Variants in TCF12 observed in about 807,000 individuals in gnomAD.
TCF12 encodes DNA-binding protein HTF4.
TCF12 carries 45 observed loss-of-function variants against 86.0 expected under a neutral mutation model. The observed-to-expected ratio is 0.52, with a 90% confidence interval of 0.41 to 0.67. The LOEUF (loss-of-function observed/expected upper bound fraction) is 0.67. TCF12 is among the 30% of genes least tolerant of loss of function. The pLI is 0.00. For synonymous variants in TCF12, 330 were observed against 299.6 expected (o/e 1.10, Z -1.05); for missense variants, 881 against 859.9 (o/e 1.02, Z -0.31).
intron 5 of TCF12, among the ~76,000 whole-genome samples, chr15:57,098,380 C>G (rs1387623275): frequency 6.6e-6 from 1 of 152,182 alleles, no homozygotes; most frequent in African/African-American, 2.4e-5. Flanking sequence ...TTCACTATTG[C>G]TCAACTCTCA....
intron 13 of TCF12, among the ~76,000 whole-genome samples, chr15:57,245,396 G>A (rs1775390914): frequency 6.6e-6 from 1 of 152,194 alleles, no homozygotes; most frequent in Non-Finnish European, 1.5e-5. Context: ...GAAATTACAG[G>A]AAGAATGATG....
chr15:57,062,289 C>G (rs368279878), intron 3 of TCF12, among the ~76,000 whole-genome samples: 4 of 151,968 alleles, frequency 2.6e-5, no homozygotes, highest in African/African-American at 9.7e-5. Flanking sequence ...ATTCCCCAAA[C>G]TCATAGAATA....
intron 5 of TCF12, among the ~76,000 whole-genome samples, chr15:57,145,312 A>T (rs1201304890): frequency 6.6e-6 from 1 of 152,188 alleles, no homozygotes; most frequent in Non-Finnish European, 1.5e-5. Context: ...GAATCTTAGC[A>T]GTGTGCTCAG....
chr15:57,009,395 A>G (rs1407952317), intron 3 of TCF12, among the ~76,000 whole-genome samples: 10 of 152,094 alleles, frequency 6.6e-5, no homozygotes, highest in African/African-American at 2.4e-4. Flanking sequence ...ACAGGTATGA[A>G]CCACTGTGTG....
intron 3 of TCF12, among the ~76,000 whole-genome samples, chr15:56,954,235 T>TA (rs2061406111): frequency 6.6e-6 from 1 of 152,206 alleles, no homozygotes; most frequent in Non-Finnish European, 1.5e-5. Context: ...ATATTTCTCT[T>TA]ACTGATTTCT....
At chr15:56,929,160 G>C (rs186216622) in intron 3 of TCF12, among the ~76,000 whole-genome samples, 2 of 152,090 alleles carry the variant, frequency 1.3e-5, no homozygotes, top group African/African-American at 4.8e-5. Context: ...GTTTTGGTTT[G>C]TATCTTTGGG....
At chr15:57,023,199 A>C (rs1254624138) in intron 3 of TCF12, among the ~76,000 whole-genome samples, 1 of 152,178 alleles carries the variant, frequency 6.6e-6, no homozygotes, top group Admixed American at 6.5e-5. Flanking sequence ...CACTTGTTTC[A>C]TAGAGATTAT....
Position 56,921,116 on chromosome 15 carries a change from A to G in TCF12, c.148+18A>G. 6.3e-7 allele frequency: 1 copy of G among 1,578,896 alleles called. No homozygotes were observed. ...TGGATCAGGTAAGATGATGTCTTAA[A>G]CTAAAGACTCATATTTTGGTGGTGT... is the stretch of plus-strand genomic sequence containing the variant. On this transcript the variant is annotated intron_variant, in intron 3 of 20. Coordinates refer to ENST00000333725, the MANE Select transcript of TCF12 (RefSeq NM_207037.2).
At chr15:57,125,611 A>G (rs1280457346) in intron 5 of TCF12, among the ~76,000 whole-genome samples, 1 of 152,246 alleles carries the variant, frequency 6.6e-6, no homozygotes, top group Non-Finnish European at 1.5e-5. Flanking sequence ...TTACTTTATT[A>G]CTTTGTGACA....
At chr15:57,164,892 G>C (rs754952988) in intron 5 of TCF12, among the ~76,000 whole-genome samples, 1 of 152,080 alleles carries the variant, frequency 6.6e-6, no homozygotes. Flanking sequence ...TTTTGGCCAC[G>C]CTGGTCTTGA....
intron 4 of TCF12, among the ~76,000 whole-genome samples, chr15:57,085,302 A>G (rs551522131): frequency 4.6e-4 from 70 of 152,338 alleles, no homozygotes; most frequent in African/African-American, 1.7e-3. Flanking sequence ...CTCCCTGTTA[A>G]GAAATTTTAT....
At chr15:57,021,754 T>C (rs2065497828) in intron 3 of TCF12, among the ~76,000 whole-genome samples, 1 of 152,118 alleles carries the variant, frequency 6.6e-6, no homozygotes, top group African/African-American at 2.4e-5. Context: ...ATTTTTTTTT[T>C]TTCAACCAAG....
At chr15:56,921,186 A>G in intron 3 of TCF12, 88 bp downstream of exon 3, 1 of 907,114 alleles carries the variant, frequency 1.1e-6, no homozygotes, top group Non-Finnish European at 1.6e-6. Context: ...TTTAAATATT[A>G]TTGAATATAT....
chr15:56,955,446 A>C (rs1263990200), intron 3 of TCF12, among the ~76,000 whole-genome samples: 1 of 152,130 alleles, frequency 6.6e-6, no homozygotes, highest in Non-Finnish European at 1.5e-5. Flanking sequence ...AGAAATACCT[A>C]ATGTAAATGA....
At chr15:57,024,106 C>T (rs2065666296) in intron 3 of TCF12, among the ~76,000 whole-genome samples, 1 of 151,982 alleles carries the variant, frequency 6.6e-6, no homozygotes, top group Non-Finnish European at 1.5e-5. Flanking sequence ...TTGTGGACCC[C>T]TGCTTTAAAG....
intron 3 of TCF12, among the ~76,000 whole-genome samples, chr15:57,057,452 A>T (rs186593019): frequency 7.2e-4 from 109 of 152,190 alleles, no homozygotes; most frequent in Admixed American, 1.8e-3. Flanking sequence ...TAAAAGAGAA[A>T]CTCACCCATT....
intron 3 of TCF12, among the ~76,000 whole-genome samples, chr15:57,003,034 A>G (rs2064142921): frequency 6.6e-6 from 1 of 152,230 alleles, no homozygotes; most frequent in Non-Finnish European, 1.5e-5. Flanking sequence ...TCATTCTTCT[A>G]CAAGAGGAAC....
At chr15:56,972,803 A>G (rs1214151577) in intron 3 of TCF12, among the ~76,000 whole-genome samples, 1 of 152,210 alleles carries the variant, frequency 6.6e-6, no homozygotes, top group Non-Finnish European at 1.5e-5. Context: ...GCAGAGACAA[A>G]TGAACTCATC....
intron 3 of TCF12, among the ~76,000 whole-genome samples, chr15:56,954,019 CCTTT>C (rs2061396747): frequency 6.6e-6 from 1 of 151,616 alleles, no homozygotes; most frequent in Non-Finnish European, 1.5e-5. Context: ...CAATTTGAGA[CCTTT>C]CTTTTTTTCT....
Sources: gnomAD v4.1 joint callset for allele counts (sites outside exome capture counted in the v4.1 genomes callset) on GRCh38, gnomAD v4.1.1 for gene constraint, MANE v1.5 for transcripts, NCBI Gene and HGNC (gene_info 2026-07-23, HGNC 2026-07-21) for gene names.